The following CFDP1 variants were observed in gnomAD, a reference collection of about 807,000 sequenced individuals.
The protein encoded by CFDP1 is chromatin remodeling protein CFDP1.
CFDP1 carries 31 observed loss-of-function variants against 40.1 expected under a neutral mutation model. The observed-to-expected ratio is 0.77, with a 90% confidence interval of 0.58 to 1.04. The LOEUF is 1.04. Among genes scored for constraint, CFDP1 ranks in the 50% least tolerant of loss-of-function variants. The probability of loss-of-function intolerance (pLI) is 0.00; values close to 1 mark genes in which losing one functional copy is unlikely to be tolerated. For missense variants in CFDP1, 423 were observed against 343.4 expected (o/e 1.23, Z -1.83); for synonymous variants, 167 against 120.0 (o/e 1.39, Z -2.56).
intron 5 of CFDP1, among the ~76,000 whole-genome samples, chr16:75,346,322 G>A (rs146929194): frequency 2.0e-5 from 3 of 152,240 alleles, no homozygotes; most frequent in East Asian, 1.9e-4. Context: ...GGTGGCTCAC[G>A]CCTGTAATTC....
intron 1 of CFDP1, 65 bp from the exon 2 acceptor site, chr16:75,414,760 C>A: frequency 9.2e-7 from 1 of 1,090,328 alleles, no homozygotes; most frequent in Non-Finnish European, 1.4e-6. Flanking sequence ...GAGACATTTT[C>A]ATTAATACAA....
intron 5 of CFDP1, among the ~76,000 whole-genome samples, chr16:75,334,400 C>T (rs2078470767): frequency 6.6e-6 from 1 of 150,644 alleles, no homozygotes; most frequent in Non-Finnish European, 1.5e-5. Context: ...TCCGGCCAGC[C>T]CGAAGTGCTC....
chr16:75,350,053 T>C (rs1475644789), intron 5 of CFDP1, among the ~76,000 whole-genome samples: 1 of 152,122 alleles, frequency 6.6e-6, no homozygotes, highest in Non-Finnish European at 1.5e-5. Flanking sequence ...AGGAAGTTCC[T>C]TCTATTCTTA....
intron 5 of CFDP1, among the ~76,000 whole-genome samples, chr16:75,314,632 T>C (rs952141437): frequency 1.3e-5 from 2 of 152,218 alleles, no homozygotes; most frequent in Non-Finnish European, 2.9e-5. Flanking sequence ...GAATTATACC[T>C]AAATAAAGCT....
chr16:75,432,865 A>C (rs1404064105), intron 1 of CFDP1, among the ~76,000 whole-genome samples: 1 of 152,018 alleles, frequency 6.6e-6, no homozygotes, highest in Non-Finnish European at 1.5e-5. Context: ...ACTTTCTAAC[A>C]ACCAGGCGGA....
chr16:75,425,320 G>C (rs1567683846), intron 1 of CFDP1, among the ~76,000 whole-genome samples: 1 of 148,092 alleles, frequency 6.8e-6, no homozygotes, highest in Non-Finnish European at 1.5e-5. Context: ...CTGGGAGGTA[G>C]AGGTTGCAGT....
At chr16:75,310,018 C>A (rs548893645) in intron 5 of CFDP1, among the ~76,000 whole-genome samples, 1 of 152,224 alleles carries the variant, frequency 6.6e-6, no homozygotes, top group East Asian at 1.9e-4. Flanking sequence ...CAAAGAAATG[C>A]ACCATGCACT....
chr16:75,322,653 TG>T (rs1248360915), intron 5 of CFDP1, among the ~76,000 whole-genome samples: 3 of 151,998 alleles, frequency 2.0e-5, no homozygotes, highest in African/African-American at 7.3e-5. Context: ...AAATCTAAAA[TG>T]TTCCAAAATC....
At chr16:75,367,792 C>CAAA (rs36057090) in intron 5 of CFDP1, among the ~76,000 whole-genome samples, 1,297 of 105,534 alleles carry the variant, frequency 0.012, 29 homozygotes, top group African/African-American at 0.045. Context: ...CACTCCATCT[C>CAAA]AAAAAAAAAA....
intron 5 of CFDP1, among the ~76,000 whole-genome samples, chr16:75,337,977 T>C (rs1484111427): frequency 6.6e-6 from 1 of 152,164 alleles, no homozygotes; most frequent in African/African-American, 2.4e-5. Context: ...TTTTCAACCT[T>C]CTCAGAGCCA....
intron 6 of CFDP1, 128 bp from the exon 7 acceptor site, chr16:75,294,170 C>T (rs2078165586): frequency 3.1e-6 from 2 of 655,610 alleles, no homozygotes; most frequent in African/African-American, 3.6e-5. Context: ...CATGACTCTT[C>T]CAGTACAATC....
chr16:75,340,988 C>G (rs2078522800), intron 5 of CFDP1, among the ~76,000 whole-genome samples: 1 of 152,108 alleles, frequency 6.6e-6, no homozygotes, highest in Non-Finnish European at 1.5e-5. Context: ...GAGTCTGTTT[C>G]CTGACTTGGA....
chr16:75,402,470 G>A (rs2079063968), intron 4 of CFDP1, among the ~76,000 whole-genome samples: 1 of 152,102 alleles, frequency 6.6e-6, no homozygotes, highest in Admixed American at 6.6e-5. Flanking sequence ...AGGTTAATAA[G>A]CTAAACATTT....
At chr16:75,302,705 T>C (rs2078229212) in intron 6 of CFDP1, among the ~76,000 whole-genome samples, 1 of 152,206 alleles carries the variant, frequency 6.6e-6, no homozygotes, top group African/African-American at 2.4e-5. Context: ...AGGACAGAGC[T>C]GCGAGTTACT....
chr16:75,378,177 T>C (rs906309568), intron 5 of CFDP1, among the ~76,000 whole-genome samples: 23 of 152,170 alleles, frequency 1.5e-4, no homozygotes, highest in Admixed American at 6.5e-4. Context: ...GTAAGCTGCA[T>C]TGCTATGGAA....
chr16:75,344,891 C>T (rs2078551480), intron 5 of CFDP1, among the ~76,000 whole-genome samples: 1 of 152,108 alleles, frequency 6.6e-6, no homozygotes, highest in African/African-American at 2.4e-5. Context: ...GAGATCGTGC[C>T]ACTGCACTCC....
intron 5 of CFDP1, among the ~76,000 whole-genome samples, chr16:75,319,112 C>A (rs575379156): frequency 1.3e-5 from 2 of 152,074 alleles, no homozygotes; most frequent in Non-Finnish European, 2.9e-5. Context: ...GGAGCGATCT[C>A]GGCTCACTGC....
intron 5 of CFDP1, among the ~76,000 whole-genome samples, chr16:75,326,013 C>T (rs896341515): frequency 2.6e-5 from 4 of 152,146 alleles, no homozygotes; most frequent in Non-Finnish European, 5.9e-5. Context: ...TTTAAGATAT[C>T]TTAGTTGACA....
At chr16:75,393,536 C>T (rs1015944557) in intron 5 of CFDP1, among the ~76,000 whole-genome samples, 7 of 151,576 alleles carry the variant, frequency 4.6e-5, no homozygotes, top group Non-Finnish European at 1.0e-4. Flanking sequence ...TCGAGACCAT[C>T]CTGGCTAACA....
Sources: gnomAD v4.1 joint callset for allele counts (sites outside exome capture counted in the v4.1 genomes callset) on GRCh38, gnomAD v4.1.1 for gene constraint, MANE v1.5 for transcripts, NCBI Gene and HGNC (gene_info 2026-07-23, HGNC 2026-07-21) for gene names.